Variants in PADI6 observed in about 807,000 individuals in gnomAD.
PADI6 encodes the protein inactive protein-arginine deiminase type-6.
PADI6 carries 66 observed loss-of-function variants against 78.2 expected under a neutral mutation model. The observed-to-expected ratio is 0.84, with a 90% CI of 0.69 to 1.04. The LOEUF (loss-of-function observed/expected upper bound fraction) is 1.04, where lower values mean the gene tolerates loss of function less well. Ranked by LOEUF, PADI6 falls within the 50% of genes least tolerant of loss-of-function variation. PADI6 has a pLI of 0.00. For synonymous variants in PADI6, 397 were observed against 346.9 expected (o/e 1.14, Z -1.60); for missense variants, 854 against 866.1 (o/e 0.99, Z 0.18).
chr1:17,392,139 GAC>G lies in PADI6; in HGVS notation c.992_993del (p.Thr331SerfsTer6), dbSNP rs1471800894. The G allele has an allele frequency of 3.2e-6, 5 of 1,559,854 alleles. No individual in the cohort carries two copies. Among genetic ancestry groups the G allele is most frequent in the African/African-American group, 1.4e-5 (1 of 73,464 alleles). The stretch of plus-strand genomic sequence containing the variant: ...GGAGCTGCAGCTGCAGGGTTTTGTG[GAC>G]ACAGTGACGAAGCTGAGTGAGAAGA... ...CRELQLQGFV[D>X]TVTKLSEKSN... On this transcript the variant is annotated frameshift_variant, in exon 9 of 16. Transcript: ENST00000619609. LOFTEE classifies it high-confidence loss of function.
chr1:17,386,949 C>T (rs1459297682), intron 6 of PADI6, among the ~76,000 whole-genome samples: 1 of 152,214 alleles, frequency 6.6e-6, no homozygotes, highest in Non-Finnish European at 1.5e-5. Flanking sequence ...GAGGATGCTA[C>T]AGTTCCTGGA....
At chr1:17,374,063 C>T (rs2074991706) in intron 2 of PADI6, among the ~76,000 whole-genome samples, 1 of 152,104 alleles carries the variant, frequency 6.6e-6, no homozygotes, top group Admixed American at 6.6e-5. Flanking sequence ...CACACCCCCT[C>T]TACCAATTAA....
chr1:17,380,009 G>GGCA (rs777925214), intron 4 of PADI6, 22 bp downstream of exon 4: 1 of 1,612,538 alleles, frequency 6.2e-7, no homozygotes, highest in South Asian at 1.1e-5. Context: ...AGCAAAAGGG[G>GGCA]GCAGGGAAGG....
chr1:17,383,477 C>T (rs185742114), intron 6 of PADI6, among the ~76,000 whole-genome samples: 1 of 152,324 alleles, frequency 6.6e-6, no homozygotes, highest in Non-Finnish European at 1.5e-5. Context: ...CCTTGGAGTC[C>T]GCCGGTTCAT....
rs144547124 is a variant in PADI6, at chr1:17,379,111, A to ATTTTTTTTTTTTTTTTTTTTTTTTT, written c.368-788_368-787insTTTTTTTTTTTTTTTTTTTTTTTTT. 1.1e-4 allele frequency among the ~76,000 whole-genome samples: 11 copies of ATTTTTTTTTTTTTTTTTTTTTTTTT among 100,810 alleles called. 1 individual carries two copies. The highest frequency in any genetic ancestry group is 5.8e-4 in the African/African-American group (10 of 17,328). The allele number at this position is 100,810 out of a possible 152,430, so 66.1% of individuals were successfully genotyped here. A position where few individuals can be genotyped will look rare whatever the true frequency, so the allele number is the denominator to read the frequency against. ...AGGTACCCTCCACCATGCCCAGTTA[A>ATTTTTTTTTTTTTTTTTTTTTTTTT]TTTTTTTTTTTTTTTTTTTTTAAGA... On this transcript the variant is annotated intron_variant, in intron 3 of 15. Coordinates refer to ENST00000619609, the MANE Select transcript of PADI6 (RefSeq NM_207421.4).
chr1:17,395,745 C>T (rs2075240162), intron 13 of PADI6, 82 bp downstream of exon 13: 1 of 1,487,518 alleles, frequency 6.7e-7, no homozygotes, highest in East Asian at 2.3e-5. Context: ...TTCTGTCACG[C>T]TTGGCGTAAA....
chr1:17,389,459 G>A (rs2075160303), intron 8 of PADI6, among the ~76,000 whole-genome samples: 1 of 152,192 alleles, frequency 6.6e-6, no homozygotes, highest in Non-Finnish European at 1.5e-5. Context: ...CTCTCTGGAG[G>A]CTGAGTGCAC....
At chr1:17,372,666 C>CA (rs2074973640) in intron 1 of PADI6, among the ~76,000 whole-genome samples, 2 of 152,132 alleles carry the variant, frequency 1.3e-5, no homozygotes, top group African/African-American at 4.8e-5. Context: ...AGGAGCAGGC[C>CA]AGGGAGACTG....
chr1:17,379,453 C>T (rs938587926), intron 3 of PADI6, among the ~76,000 whole-genome samples: 2 of 152,104 alleles, frequency 1.3e-5, no homozygotes, highest in Non-Finnish European at 2.9e-5. Context: ...GATGCGATTT[C>T]ACCATGTTGC....
intron 8 of PADI6, among the ~76,000 whole-genome samples, chr1:17,389,466 G>A (rs2075160381): frequency 6.6e-6 from 1 of 152,186 alleles, no homozygotes; most frequent in South Asian, 2.1e-4. Context: ...GAGGCTGAGT[G>A]CACACATCCT....
chr1:17,386,965 T>C (rs16826190), intron 6 of PADI6, among the ~76,000 whole-genome samples: 1,793 of 152,176 alleles, frequency 0.012, 44 homozygotes, highest in African/African-American at 0.04. Flanking sequence ...CTGGATCTCT[T>C]GGGGTTCTAG....
Position 17,372,364 on chromosome 1 carries a change from G to C in PADI6, c.116+3G>C. On this transcript the variant is annotated splice_donor_region_variant and intron_variant, in intron 1 of 15. Coordinates refer to ENST00000619609, the MANE Select transcript of PADI6 (RefSeq NM_207421.4). ...GAAATCTGCTTGGATCTCAGCGGGT[G>C]AGATGCTGGGAGCTCTGCCAGAGGT... The C allele has an allele frequency of 6.2e-7, 1 of 1,613,588 alleles. No individual in the cohort carries two copies. Among genetic ancestry groups the C allele is most frequent in the Non-Finnish European group, 8.5e-7 (1 of 1,179,554 alleles).
chr1:17,379,864 T>C (rs557844472), intron 3 of PADI6, 56 bp from the exon 4 acceptor site: 53 of 1,521,784 alleles, frequency 3.5e-5, no homozygotes, highest in Admixed American at 5.0e-5. Context: ...ACCTATAACT[T>C]TGAGGTTCCA....
At chr1:17,396,088 A>G (rs2075244387) in intron 13 of PADI6, among the ~76,000 whole-genome samples, 1 of 152,132 alleles carries the variant, frequency 6.6e-6, no homozygotes, top group South Asian at 2.1e-4. Context: ...CTTCTGATCT[A>G]AAGGCTGTGG....
chr1:17,375,661 TACCCACTCA>T lies in PADI6; in HGVS notation c.367+163_367+171del, dbSNP rs549819475. On this transcript the variant is annotated intron_variant, in intron 3 of 15. Coordinates refer to ENST00000619609, the MANE Select transcript of PADI6 (RefSeq NM_207421.4). The stretch of plus-strand genomic sequence containing the variant: ...AACTCCTAAATGGATTCATTTGAGA[TACCCACTCA>T]CACACTCCCTCCTCGACGCTCAGTC... 2.6e-5 allele frequency among the ~76,000 whole-genome samples: 4 copies of T among 152,178 alleles called. No homozygotes were observed. The South Asian group carries it at 8.3e-4, about 32-fold the overall frequency.
At chr1:17,399,722 G>A (rs2075282876) in intron 15 of PADI6, among the ~76,000 whole-genome samples, 1 of 141,146 alleles carries the variant, frequency 7.1e-6, no homozygotes, top group African/African-American at 2.7e-5. Context: ...GTGAGACCCT[G>A]CAACTTTAAA....
At position 17,394,286 on chromosome 1, in the gene PADI6, G is replaced by T; in HGVS notation, c.1183-14G>T. The T allele has an allele frequency of 1.9e-6, 3 of 1,609,510 alleles. No individual in the cohort carries two copies. The South Asian group carries it at 3.3e-5, about 18-fold the overall frequency. ...CCTACTAACACCCCTTCCCTGGCTC[G>T]GTCTCTCCCCCAGAGCCCTGGTATT... On this transcript the variant is annotated splice_polypyrimidine_tract_variant and intron_variant, in intron 10 of 15. Transcript: ENST00000619609.
Position 17,393,961 on chromosome 1 carries a change from CCT to C in PADI6, c.1075-10_1075-9del. ...GTGTGACTGGCAAACAATCTGTCTT[CCT>C]CTCCATTCCAGGATGAGATGGCCTT... On this transcript the variant is annotated splice_polypyrimidine_tract_variant and intron_variant, in intron 9 of 15. Coordinates refer to ENST00000619609, the MANE Select transcript of PADI6 (RefSeq NM_207421.4). 2 of 1,608,822 alleles carry C rather than the reference CCT, an allele frequency of 1.2e-6. No homozygotes were observed. Among genetic ancestry groups the C allele is most frequent in the Non-Finnish European group, 1.7e-6 (2 of 1,175,242 alleles).
At chr1:17,397,593 T>A (rs1311935363) in intron 14 of PADI6, among the ~76,000 whole-genome samples, 1 of 152,186 alleles carries the variant, frequency 6.6e-6, no homozygotes, top group Non-Finnish European at 1.5e-5. Flanking sequence ...AAGCCCTGAT[T>A]ATCCAGGTTC....
Sources: allele counts gnomAD v4.1 joint callset (sites outside exome capture counted in the v4.1 genomes callset), GRCh38; gene constraint gnomAD v4.1.1; transcripts MANE v1.5; gene names NCBI Gene and HGNC (gene_info 2026-07-23, HGNC 2026-07-21).